The following ANKRD11 variants were observed in gnomAD, a reference collection of about 807,000 sequenced individuals.
ANKRD11 encodes ankyrin repeat domain 11.
In ANKRD11, 17 loss-of-function variants were observed where a neutral mutation model predicts 195.7. That is an observed-to-expected ratio of 0.09 (90% CI 0.06 to 0.13). The LOEUF (loss-of-function observed/expected upper bound fraction) is 0.13, where lower values mean the gene tolerates loss of function less well. Among genes scored for constraint, ANKRD11 ranks in the 10% least tolerant of loss-of-function variants. The pLI, the probability that ANKRD11 is intolerant of heterozygous loss-of-function variation, is 1.00. For missense variants in ANKRD11, 3,735 were observed against 3,566.1 expected (o/e 1.05, Z -1.21); for synonymous variants, 1,953 against 1,528.1 (o/e 1.28, Z -6.49).
In ANKRD11 at chr16:89,394,583, G is replaced by C. The variant is rs560345779; in HGVS notation, c.-60+23701C>G. On this transcript the variant is annotated intron_variant, in intron 2 of 12. Transcript: ENST00000301030. ...GCGGAGGTTGCAGTGAGCCAGTATC[G>C]CACCACTGCACTCCAGCCTGGGCGA... 6.0e-5 allele frequency among the ~76,000 whole-genome samples: 9 copies of C among 151,052 alleles called. No individual in the cohort carries two copies. In the South Asian group the frequency reaches 1.9e-3, roughly 32 times the overall value.
At chr16:89,325,465 T>G (rs1226222629) in intron 2 of ANKRD11, among the ~76,000 whole-genome samples, 1 of 139,346 alleles carries the variant, frequency 7.2e-6, no homozygotes, top group East Asian at 2.0e-4. Flanking sequence ...TCTCTCTCTC[T>G]CTCTCACACA....
Position 89,300,985 on chromosome 16 carries a change from C to G in ANKRD11, c.226+4221G>C, listed in dbSNP as rs772037933. 8 of 653,370 alleles carry G rather than the reference C, an allele frequency of 1.2e-5. No homozygotes were observed. The South Asian group carries it at 1.3e-4, about 11-fold the overall frequency. 40.5% of individuals were successfully genotyped at this position (653,370 alleles called of 1,614,324 possible). A position where few individuals can be genotyped will look rare whatever the true frequency, so the allele number is the denominator to read the frequency against. On this transcript the variant is annotated intron_variant, in intron 4 of 12. Transcript: ENST00000301030. The stretch of plus-strand genomic sequence containing the variant: ...GTCCTAGGCAGGGAGAAGCGAGACT[C>G]AGGGTCACAGACGAAGGCGCAGGAG...
chr16:89,375,603 G>C (rs143204003), intron 2 of ANKRD11, among the ~76,000 whole-genome samples: 1 of 151,726 alleles, frequency 6.6e-6, no homozygotes, highest in African/African-American at 2.4e-5. Context: ...ACAGGCGCCC[G>C]CCACCACGCC....
intron 4 of ANKRD11, among the ~76,000 whole-genome samples, chr16:89,302,954 A>C (rs2035947080): frequency 6.6e-6 from 1 of 152,096 alleles, no homozygotes; most frequent in Non-Finnish European, 1.5e-5. Flanking sequence ...GTGGGCCAGC[A>C]CGGCTGGCAC....
chr16:89,377,301 G>A (rs1481743212), intron 2 of ANKRD11, among the ~76,000 whole-genome samples: 2 of 152,082 alleles, frequency 1.3e-5, no homozygotes, highest in African/African-American at 4.8e-5. Flanking sequence ...TGAGTGTCTG[G>A]AAGATGACAC....
At chr16:89,397,871 G>A (rs1184555045) in intron 2 of ANKRD11, among the ~76,000 whole-genome samples, 2 of 152,178 alleles carry the variant, frequency 1.3e-5, no homozygotes, top group Non-Finnish European at 1.5e-5. Context: ...ACAAACCTTC[G>A]TCCTGGGCAT....
intron 1 of ANKRD11, among the ~76,000 whole-genome samples, chr16:89,474,443 C>T (rs1298867763): frequency 6.6e-6 from 1 of 151,480 alleles, no homozygotes; most frequent in African/African-American, 2.4e-5. Context: ...ATGGTGAGAC[C>T]CTGTCTCTAC....
At chr16:89,273,867 AGGG>A (rs1223720844) in intron 11 of ANKRD11, among the ~76,000 whole-genome samples, 3 of 152,102 alleles carry the variant, frequency 2.0e-5, no homozygotes. Context: ...CAGAGTGCCC[AGGG>A]CTGGGGTGGC....
At chr16:89,469,594 C>T (rs970846012) in intron 1 of ANKRD11, among the ~76,000 whole-genome samples, 1 of 151,428 alleles carries the variant, frequency 6.6e-6, no homozygotes, top group African/African-American at 2.4e-5. Context: ...ATAAAACGTA[C>T]GCAAATAAGA....
chr16:89,302,475 A>G (rs2035918654), intron 4 of ANKRD11, among the ~76,000 whole-genome samples: 1 of 151,892 alleles, frequency 6.6e-6, no homozygotes, highest in Non-Finnish European at 1.5e-5. Flanking sequence ...CTGGTCTCGA[A>G]CTCCTGACCT....
chr16:89,328,385 C>T (rs1439520212), intron 2 of ANKRD11, among the ~76,000 whole-genome samples: 1 of 152,222 alleles, frequency 6.6e-6, no homozygotes, highest in Non-Finnish European at 1.5e-5. Context: ...ACACAAAGAC[C>T]TGTTTGCGAA....
intron 2 of ANKRD11, among the ~76,000 whole-genome samples, chr16:89,402,188 G>A (rs893610009): frequency 2.6e-5 from 4 of 152,262 alleles, no homozygotes; most frequent in African/African-American, 9.6e-5. Flanking sequence ...ACAGTTCACT[G>A]CATGAAAGCA....
At chr16:89,274,765 A>T (rs548065999) in intron 11 of ANKRD11, 49 bp downstream of exon 11, 5 of 1,602,102 alleles carry the variant, frequency 3.1e-6, no homozygotes, top group African/African-American at 2.7e-5. Flanking sequence ...GGAGGCGGGC[A>T]GGGTGCAGGC....
chr16:89,270,998 TTC>T (rs1344209090), intron 11 of ANKRD11, 89 bp from the exon 12 acceptor site: 2 of 1,237,012 alleles, frequency 1.6e-6, no homozygotes, highest in Non-Finnish European at 2.3e-6. Flanking sequence ...GCAGTGACCG[TTC>T]TCAAGGGACA....
intron 1 of ANKRD11, among the ~76,000 whole-genome samples, chr16:89,423,554 G>C (rs1039739842): frequency 2.0e-5 from 3 of 152,200 alleles, no homozygotes; most frequent in Non-Finnish European, 4.4e-5. Flanking sequence ...TGAGATGTGT[G>C]GTTAGAGTTA....
At chr16:89,320,624 G>T (rs2037257728) in intron 2 of ANKRD11, among the ~76,000 whole-genome samples, 1 of 152,136 alleles carries the variant, frequency 6.6e-6, no homozygotes, top group South Asian at 2.1e-4. Context: ...CAGGGTGGTG[G>T]GAGTCCCCCA....
intron 2 of ANKRD11, among the ~76,000 whole-genome samples, chr16:89,343,134 GT>G (rs2038770549): frequency 6.6e-6 from 1 of 152,174 alleles, no homozygotes; most frequent in Non-Finnish European, 1.5e-5. Context: ...GATTACAGGT[GT>G]GTGCCACCAC....
chr16:89,388,285 T>C (rs939642036), intron 2 of ANKRD11, among the ~76,000 whole-genome samples: 1 of 140,956 alleles, frequency 7.1e-6, no homozygotes, highest in African/African-American at 2.6e-5. Context: ...CTTCTCTCCA[T>C]GAGGCTGATT....
chr16:89,269,784 C>T (rs1336846626), intron 12 of ANKRD11, among the ~76,000 whole-genome samples: 4 of 152,094 alleles, frequency 2.6e-5, no homozygotes, highest in African/African-American at 9.7e-5. Context: ...TTACTAGAGA[C>T]GAGGTTTCAC....
Sources: allele counts gnomAD v4.1 joint callset (sites outside exome capture counted in the v4.1 genomes callset), GRCh38; gene constraint gnomAD v4.1.1; transcripts MANE v1.5; gene names NCBI Gene and HGNC (gene_info 2026-07-23, HGNC 2026-07-21).